The following ITCH variants were observed in gnomAD, a reference collection of about 807,000 sequenced individuals.
ITCH encodes the protein E3 ubiquitin-protein ligase Itchy homolog.
In ITCH, 28 loss-of-function variants were observed where a neutral mutation model predicts 126.8. The ratio of observed to expected loss-of-function variants is 0.22; its 90% CI spans 0.16 to 0.30. ITCH has a LOEUF of 0.30. Ranked by LOEUF, ITCH falls within the 10% of genes least tolerant of loss-of-function variation. ITCH has a pLI of 1.00. For synonymous variants in ITCH, 342 were observed against 340.0 expected, an observed-to-expected ratio of 1.01 and a Z score of -0.06; for missense variants, 631 against 1,032.4, an observed-to-expected ratio of 0.61 and a Z score of 5.33.
intron 13 of ITCH, among the ~76,000 whole-genome samples, chr20:34,461,174 A>G (rs1028608036): frequency 6.6e-6 from 1 of 152,204 alleles, no homozygotes; most frequent in Admixed American, 6.5e-5. Context: ...GATTCATGAA[A>G]GGGAGTTAGA....
chr20:34,417,870 C>T (rs572746181), intron 6 of ITCH, among the ~76,000 whole-genome samples: 1 of 151,458 alleles, frequency 6.6e-6, no homozygotes, highest in East Asian at 1.9e-4. Flanking sequence ...ACCAGTCTTC[C>T]CATTTATGAC....
At chr20:34,480,993 C>T (rs2146471874) in intron 19 of ITCH, 73 bp from the exon 20 acceptor site, 12 of 1,414,588 alleles carry the variant, frequency 8.5e-6, no homozygotes, top group South Asian at 1.2e-5. Context: ...AGAACATGGG[C>T]CTTTCGTTAA....
At chr20:34,501,777 C>CAAAA (rs11480340) in intron 23 of ITCH, among the ~76,000 whole-genome samples, 11 of 104,558 alleles carry the variant, frequency 1.1e-4, no homozygotes, top group African/African-American at 4.0e-4. Flanking sequence ...CTCCATCTCT[C>CAAAA]AAAAAAAAAA....
intron 3 of ITCH, among the ~76,000 whole-genome samples, chr20:34,405,430 G>C (rs937498981): frequency 2.0e-5 from 3 of 152,052 alleles, no homozygotes; most frequent in African/African-American, 7.2e-5. Context: ...GCTTGAACCC[G>C]GCAGGCGGAG....
chr20:34,468,517 A>C (rs1396766543), intron 14 of ITCH, among the ~76,000 whole-genome samples: 1 of 151,394 alleles, frequency 6.6e-6, no homozygotes, highest in Non-Finnish European at 1.5e-5. Flanking sequence ...CAGGCCGGGC[A>C]TGGTGGCTCA....
rs8125662 is a variant in ITCH at position 34,404,766 on chromosome 20, G to T, written c.71-3885G>T. ...ACAGTAATACCTGTTTCGCAGAATA[G>T]GTATTGATATTGAAATGACATTTAC... On this transcript the variant is annotated intron_variant, in intron 3 of 24. Transcript: ENST00000374864. Among the ~76,000 whole-genome samples the T allele has an allele frequency of 7.1e-3, 1,077 of 152,120 alleles. 11 individuals are homozygous for T. Among genetic ancestry groups the T allele is most frequent in the African/African-American group, 0.025 (1,041 of 41,490 alleles).
At chr20:34,365,212 A>T (rs2037375155) in intron 1 of ITCH, among the ~76,000 whole-genome samples, 1 of 152,082 alleles carries the variant, frequency 6.6e-6, no homozygotes, top group Admixed American at 6.6e-5. Flanking sequence ...AAAAATAAAA[A>T]AAAAAATTTA....
intron 7 of ITCH, 22 bp downstream of exon 7, chr20:34,424,547 A>C: frequency 6.3e-7 from 1 of 1,595,358 alleles, no homozygotes. Context: ...CTGATTGCTT[A>C]CCACAGAATG....
chr20:34,438,326 T>G, intron 7 of ITCH, 148 bp from the exon 8 acceptor site: 1 of 751,186 alleles, frequency 1.3e-6, no homozygotes, highest in South Asian at 1.8e-5. Flanking sequence ...GCTCTTTATG[T>G]ATTTAATAAG....
intron 17 of ITCH, among the ~76,000 whole-genome samples, chr20:34,478,470 A>G (rs888122618): frequency 6.6e-6 from 1 of 152,208 alleles, no homozygotes; most frequent in Non-Finnish European, 1.5e-5. Flanking sequence ...TTCCATGATA[A>G]TATATCACAC....
chr20:34,392,826 A>G (rs1436229736), intron 2 of ITCH, among the ~76,000 whole-genome samples: 1 of 152,090 alleles, frequency 6.6e-6, no homozygotes, highest in African/African-American at 2.4e-5. Context: ...GGTGGTGTGC[A>G]CCAGTGGTCC....
In ITCH at chr20:34,477,922, G is replaced by A. The variant is rs866827514; in HGVS notation, c.1658+62G>A. The A allele has an allele frequency of 1.2e-4, 192 of 1,597,808 alleles. No homozygotes were observed. The Middle Eastern group carries it at 1.5e-3, about 12-fold the overall frequency. ...TCCTCCAAAGGTACCATTGCACTTC[G>A]CTTGCAAGTATTATTTTCTCAATCT... On this transcript the variant is annotated intron_variant, in intron 17 of 24. Coordinates refer to ENST00000374864, the MANE Select transcript of ITCH (RefSeq NM_031483.7).
At chr20:34,431,303 CTCAGGAGGCTAAG>C (rs1459079177) in intron 7 of ITCH, among the ~76,000 whole-genome samples, 2 of 152,196 alleles carry the variant, frequency 1.3e-5, no homozygotes, top group Non-Finnish European at 1.5e-5. Flanking sequence ...GTCCCAGCTA[CTCAGGAGGCTAAG>C]GCGGGAGGAT....
At chr20:34,426,936 A>G (rs892499387) in intron 7 of ITCH, among the ~76,000 whole-genome samples, 1 of 151,610 alleles carries the variant, frequency 6.6e-6, no homozygotes, top group Non-Finnish European at 1.5e-5. Flanking sequence ...CACGATGCCC[A>G]GCTAATTTTT....
intron 2 of ITCH, among the ~76,000 whole-genome samples, chr20:34,386,644 T>C (rs991361390): frequency 3.9e-5 from 6 of 152,234 alleles, no homozygotes; most frequent in African/African-American, 1.4e-4. Flanking sequence ...TATAGGGCTA[T>C]ATTAAATTAC....
intron 3 of ITCH, among the ~76,000 whole-genome samples, chr20:34,401,974 G>C (rs918269036): frequency 5.9e-5 from 9 of 152,186 alleles, no homozygotes; most frequent in Non-Finnish European, 1.0e-4. Context: ...AGGGATACGG[G>C]GGGGCGGCGC....
intron 20 of ITCH, among the ~76,000 whole-genome samples, chr20:34,486,655 A>C (rs1231901920): frequency 8.2e-6 from 1 of 121,296 alleles, no homozygotes; most frequent in South Asian, 2.6e-4. Flanking sequence ...GTTTTTCACT[A>C]TTTTATTTAT....
At chr20:34,408,904 T>C in intron 4 of ITCH, 112 bp downstream of exon 4, 1 of 1,084,556 alleles carries the variant, frequency 9.2e-7, no homozygotes, top group Non-Finnish European at 1.3e-6. Flanking sequence ...TCCTCCTTTC[T>C]CTCTTCTTTT....
intron 1 of ITCH, among the ~76,000 whole-genome samples, chr20:34,364,367 A>G (rs1467592315): frequency 6.6e-6 from 1 of 152,112 alleles, no homozygotes; most frequent in Admixed American, 6.6e-5. Context: ...CTTGAAAATT[A>G]GTAAGACCCT....
Sources: gnomAD v4.1 joint callset for allele counts (sites outside exome capture counted in the v4.1 genomes callset) on GRCh38, gnomAD v4.1.1 for gene constraint, MANE v1.5 for transcripts, NCBI Gene and HGNC (gene_info 2026-07-23, HGNC 2026-07-21) for gene names.